Variants in ABCD4 observed in about 807,000 individuals in gnomAD.
ABCD4 encodes lysosomal cobalamin transporter ABCD4.
Under a neutral mutation model 86.3 loss-of-function variants are expected in ABCD4, and 53 were observed. The observed-to-expected ratio is 0.61, with a 90% CI of 0.49 to 0.77. ABCD4 has a LOEUF of 0.77. ABCD4 is among the 30% of genes least tolerant of loss of function. The probability of loss-of-function intolerance (pLI) is 0.00; values close to 1 mark genes in which losing one functional copy is unlikely to be tolerated. For missense variants in ABCD4, 757 were observed against 764.5 expected (o/e 0.99, Z 0.12); for synonymous variants, 328 against 313.6 (o/e 1.05, Z -0.49).
chr14:74,291,083 TAAAGG>T (rs2081369290), intron 11 of ABCD4, among the ~76,000 whole-genome samples: 2 of 152,160 alleles, frequency 1.3e-5, no homozygotes, highest in East Asian at 3.9e-4. Context: ...CACGCACATA[TAAAGG>T]AAAGGCCACG....
intron 18 of ABCD4, 53 bp downstream of exon 18, chr14:74,286,648 C>A: frequency 1.2e-6 from 2 of 1,613,122 alleles, no homozygotes; most frequent in Non-Finnish European, 1.7e-6. Context: ...CCTGGCCAGG[C>A]TGAGCCTTTG....
chr14:74,286,773 G>A lies in ABCD4; in HGVS notation c.1680C>T (p.Ser560=), dbSNP rs138753274. ...ATSALTEEVE[S]ELYRIGQQLG... ...GCTGCTGGCCGATGCGATAGAGCTC[G>A]CTCTCCACTTCCTCTGTCAGGGCAC... Residue 560 remains serine (S), a synonymous_variant, in exon 18 of 19, where the codon AGC becomes AGT. Transcript: ENST00000356924. 54 of 1,614,062 alleles carry A rather than the reference G, an allele frequency of 3.3e-5. No homozygotes were observed. In the African/African-American group the frequency reaches 5.7e-4, roughly 17 times the overall value.
rs369036706 is a variant in ABCD4, at chr14:74,302,885, C to A, written c.28G>T (p.Ala10Ser). 12 of 1,607,534 alleles carry A rather than the reference C, an allele frequency of 7.5e-6. No individual in the cohort carries two copies. The highest frequency in any genetic ancestry group is 1.0e-5 in the Non-Finnish European group (12 of 1,177,334). ...GACCGCCCTGCTTACCTGGCGCCAG[C>A]TCCGGGCGCGGGCCCCGCGACCGCC... Reference protein sequence around the residue: MAVAGPAPGAGARPRLDLQF... With the variant: MAVAGPAPGSGARPRLDLQF... The change falls in exon 1 of 19, where the codon GCT (alanine) becomes TCT (serine). Residue 10 changes from alanine to serine, a missense_variant. Physicochemically the swap from Ala to Ser is moderately conservative, Grantham distance 99 (BLOSUM62 1). Coordinates refer to ENST00000356924, the MANE Select transcript of ABCD4 (RefSeq NM_005050.4).
In ABCD4 at chr14:74,289,484, T is replaced by C; in HGVS notation, c.1455A>G (p.Ser485=). 2 of 1,613,842 alleles carry C rather than the reference T, an allele frequency of 1.2e-6. No individual in the cohort carries two copies. Among genetic ancestry groups the C allele is most frequent in the Non-Finnish European group, 1.7e-6 (2 of 1,179,934 alleles). The change falls in exon 14 of 19, where the codon TCA becomes TCG. Residue 485 remains serine, a splice_region_variant and synonymous_variant. Coordinates refer to ENST00000356924, the MANE Select transcript of ABCD4 (RefSeq NM_005050.4). ...ATGACCTAAGGAGGACCAGCTCACC[T>C]GAGTCGGGGTAGACCTCCTTCAGGG... ...IYPLKEVYPD[S]GSADDERILR...
intron 14 of ABCD4, 36 bp from the exon 15 acceptor site, chr14:74,288,801 G>A (rs763683625): frequency 6.2e-7 from 1 of 1,608,378 alleles, no homozygotes; most frequent in Non-Finnish European, 8.5e-7. Flanking sequence ...AAAAGCCAGA[G>A]CCTCCTGGCT....
rs143825289 is a variant in ABCD4, at chr14:74,285,971, T to C, written c.*490A>G. On this transcript the variant is annotated 3_prime_UTR_variant, in exon 19 of 19. Coordinates refer to ENST00000356924, the MANE Select transcript of ABCD4 (RefSeq NM_005050.4). ...TTCAATAAAAAAGATCATTCCATGA[T>C]AGAGAAGACAGAAAGCTGTAATTCT... The C allele has an allele frequency of 6.5e-6, 1 of 153,698 alleles. No homozygotes were observed. The highest frequency in any genetic ancestry group is 1.9e-4 in the East Asian group (1 of 5,214). 9.5% of individuals were successfully genotyped at this position (153,698 alleles called of 1,614,324 possible).
intron 14 of ABCD4, chr14:74,289,165 T>TGCA: frequency 8.2e-7 from 1 of 1,220,342 alleles, no homozygotes; most frequent in Non-Finnish European, 1.0e-6. Context: ...TCATGGATGA[T>TGCA]GCAGGGGTGG....
At chr14:74,289,899 C>T in intron 13 of ABCD4, 128 bp downstream of exon 13, 1 of 1,531,786 alleles carries the variant, frequency 6.5e-7, no homozygotes, top group Non-Finnish European at 8.7e-7. Flanking sequence ...GTTCCCAGGC[C>T]CGGGCCACTT....
chr14:74,289,356 C>G (rs2080810337), intron 14 of ABCD4, 127 bp downstream of exon 14: 1 of 1,482,542 alleles, frequency 6.7e-7, no homozygotes, highest in Non-Finnish European at 8.9e-7. Flanking sequence ...AGGAGAGGAG[C>G]CCCTCTTCCT....
rs1044404074 is a variant in ABCD4, at chr14:74,285,413, A to G, written c.*1048T>C. On this transcript the variant is annotated 3_prime_UTR_variant, in exon 19 of 19. Coordinates refer to ENST00000356924, the MANE Select transcript of ABCD4 (RefSeq NM_005050.4). Reference sequence around the variant, plus strand: ...GGCAACAGCATCTAGCCGTAAGTTAATAACACCGATGGTTTTTCTTGTATT... The same window carrying G: ...GGCAACAGCATCTAGCCGTAAGTTAGTAACACCGATGGTTTTTCTTGTATT... 6.6e-6 allele frequency: 1 copy of G among 152,228 alleles called. No homozygotes were observed. Among genetic ancestry groups the G allele is most frequent in the Non-Finnish European group, 1.5e-5 (1 of 68,040 alleles). The allele number at this position is 152,228 out of a possible 1,614,324, so 9.4% of individuals were successfully genotyped here. A position where few individuals can be genotyped will look rare whatever the true frequency, so the allele number is the denominator to read the frequency against.
In ABCD4 at chr14:74,293,584, G is replaced by C. The variant is rs10150667; in HGVS notation, c.720-336C>G. The C allele has an allele frequency of 8.1e-3, 1,649 of 204,670 alleles. 27 individuals are homozygous for C. Among genetic ancestry groups the C allele is most frequent in the African/African-American group, 0.036 (1,548 of 43,494 alleles). The allele number at this position is 204,670 out of a possible 1,614,324, so 12.7% of individuals were successfully genotyped here. On this transcript the variant is annotated intron_variant, in intron 7 of 18. Coordinates refer to ENST00000356924, the MANE Select transcript of ABCD4 (RefSeq NM_005050.4). ...CCAATAATACCTATGTAATAGGTTAGAGTTAGAATTAAAAGTTTCTAAATA... is the reference window on the plus strand; with the variant it reads ...CCAATAATACCTATGTAATAGGTTACAGTTAGAATTAAAAGTTTCTAAATA...
chr14:74,302,231 G>A (rs929642256), intron 1 of ABCD4, among the ~76,000 whole-genome samples: 3 of 152,096 alleles, frequency 2.0e-5, no homozygotes, highest in Admixed American at 2.0e-4. Context: ...CACCACTAGG[G>A]GAATAAGTCT....
intron 17 of ABCD4, 38 bp downstream of exon 17, chr14:74,287,772 C>T (rs759081714): frequency 6.4e-7 from 1 of 1,573,380 alleles, no homozygotes; most frequent in South Asian, 1.1e-5. Flanking sequence ...TGAGTGCAGA[C>T]AGCGCATGGC....
At chr14:74,297,799 T>A (rs2083257761) in intron 4 of ABCD4, 131 bp downstream of exon 4, 1 of 1,425,444 alleles carries the variant, frequency 7.0e-7, no homozygotes, top group African/African-American at 1.4e-5. Context: ...CCCTCCCCCA[T>A]GACTCTGGGC....
At chr14:74,296,771 T>C (rs1669335666) in intron 4 of ABCD4, 2 of 262,332 alleles carry the variant, frequency 7.6e-6, no homozygotes, top group South Asian at 6.4e-5. Context: ...ATGAGCTGTT[T>C]TGGATGATCA....
At chr14:74,301,512 A>G (rs1009292837) in intron 1 of ABCD4, among the ~76,000 whole-genome samples, 3 of 152,218 alleles carry the variant, frequency 2.0e-5, no homozygotes, top group African/African-American at 7.2e-5. Flanking sequence ...AACATAGGAA[A>G]TCCACAGAGA....
chr14:74,295,398 C>A (rs1289684243), intron 6 of ABCD4, among the ~76,000 whole-genome samples, 200 bp from the exon 7 acceptor site: 3 of 152,202 alleles, frequency 2.0e-5, no homozygotes, highest in Admixed American at 6.5e-5. Context: ...TCTGCAGAGA[C>A]AGGGCTGCCC....
chr14:74,297,426 T>C (rs749166024), intron 4 of ABCD4: 1 of 152,254 alleles, frequency 6.6e-6, no homozygotes, highest in Non-Finnish European at 1.5e-5. Context: ...TTTTTTTTAC[T>C]GATGAAAATC....
At chr14:74,296,129 G>T in intron 5 of ABCD4, 150 bp from the exon 6 acceptor site, 1 of 1,231,904 alleles carries the variant, frequency 8.1e-7, no homozygotes, top group Non-Finnish European at 1.1e-6. Context: ...GGGGCATCTG[G>T]TATGAGCTCT....
Sources: gnomAD v4.1 joint callset for allele counts (sites outside exome capture counted in the v4.1 genomes callset) on GRCh38, gnomAD v4.1.1 for gene constraint, MANE v1.5 for transcripts, NCBI Gene and HGNC (gene_info 2026-07-23, HGNC 2026-07-21) for gene names.